The following PDZRN3 variants were observed in gnomAD, a reference collection of about 807,000 sequenced individuals.
PDZRN3 encodes the protein E3 ubiquitin-protein ligase PDZRN3.
PDZRN3 carries 38 observed loss-of-function variants against 85.7 expected under a neutral mutation model. That is an observed-to-expected ratio of 0.44 (90% confidence interval 0.34 to 0.58). The LOEUF (loss-of-function observed/expected upper bound fraction) is 0.58. Ranked by LOEUF, PDZRN3 falls within the 20% of genes least tolerant of loss-of-function variation. The pLI, the probability that PDZRN3 is intolerant of heterozygous loss-of-function variation, is 0.01. For missense variants in PDZRN3, 1,629 were observed against 1,506.4 expected (o/e 1.08, Z -1.35); for synonymous variants, 759 against 638.0 (o/e 1.19, Z -2.86).
intron 8 of PDZRN3, among the ~76,000 whole-genome samples, chr3:73,387,204 C>T (rs906651255): frequency 6.6e-6 from 1 of 152,240 alleles, no homozygotes; most frequent in South Asian, 2.1e-4. Context: ...TACCCAGTCT[C>T]GAGTATGTCT....
chr3:73,519,514 TGG>T (rs1346841350), intron 3 of PDZRN3, among the ~76,000 whole-genome samples: 5 of 152,220 alleles, frequency 3.3e-5, no homozygotes, highest in South Asian at 4.1e-4. Flanking sequence ...AATGTGTTTA[TGG>T]GCTTCATGGA....
intron 3 of PDZRN3, among the ~76,000 whole-genome samples, chr3:73,601,079 C>A (rs1386686104): frequency 6.6e-6 from 1 of 152,192 alleles, no homozygotes; most frequent in Admixed American, 6.5e-5. Flanking sequence ...GCCTTACACC[C>A]TAACTAGTTC....
At chr3:73,621,244 T>A (rs552204459) in intron 1 of PDZRN3, among the ~76,000 whole-genome samples, 11 of 152,298 alleles carry the variant, frequency 7.2e-5, no homozygotes, top group African/African-American at 2.4e-4. Flanking sequence ...TAACAAACCC[T>A]AAGCGTTCAG....
intron 3 of PDZRN3, among the ~76,000 whole-genome samples, chr3:73,586,025 G>A (rs919908596): frequency 2.6e-5 from 4 of 152,060 alleles, no homozygotes; most frequent in African/African-American, 9.7e-5. Flanking sequence ...ACAAATACTG[G>A]AATTCATAAA....
At chr3:73,469,962 T>C (rs1422665893) in intron 3 of PDZRN3, among the ~76,000 whole-genome samples, 1 of 152,192 alleles carries the variant, frequency 6.6e-6, no homozygotes, top group Non-Finnish European at 1.5e-5. Flanking sequence ...CGTTGTAGGA[T>C]GTCTAGCAGC....
At chr3:73,594,729 G>C (rs186874102) in intron 3 of PDZRN3, among the ~76,000 whole-genome samples, 1 of 152,208 alleles carries the variant, frequency 6.6e-6, no homozygotes, top group Admixed American at 6.5e-5. Context: ...GTCTTCTGTT[G>C]CTGTAGTAAA....
Position 73,383,088 on chromosome 3 carries a change from A to C in PDZRN3, c.*277T>G. On this transcript the variant is annotated 3_prime_UTR_variant, in exon 10 of 10. Transcript: ENST00000263666. ...TTAATAAAAGATCTTTCTGAAATTT[A>C]AACACTTTATGTAAAAGGGTACAGG... 3.1e-6 allele frequency: 1 copy of C among 323,014 alleles called. No homozygotes were observed. The highest frequency in any genetic ancestry group is 5.6e-6 in the Non-Finnish European group (1 of 177,214). The allele number at this position is 323,014 out of a possible 1,614,324, so 20.0% of individuals were successfully genotyped here. A position where few individuals can be genotyped will look rare whatever the true frequency, so the allele number is the denominator to read the frequency against.
chr3:73,534,617 T>C (rs1704733420), intron 3 of PDZRN3, among the ~76,000 whole-genome samples: 1 of 152,258 alleles, frequency 6.6e-6, no homozygotes. Context: ...TGGGTCAAGA[T>C]TTACAAGGAG....
chr3:73,403,114 T>C (rs1701787179), intron 4 of PDZRN3, among the ~76,000 whole-genome samples: 1 of 151,350 alleles, frequency 6.6e-6, no homozygotes, highest in Non-Finnish European at 1.5e-5. Context: ...TGGCTAATTG[T>C]TTTTTGTATT....
At chr3:73,593,030 T>C (rs750432811) in intron 3 of PDZRN3, among the ~76,000 whole-genome samples, 12 of 151,660 alleles carry the variant, frequency 7.9e-5, no homozygotes, top group Admixed American at 4.6e-4. Context: ...ACCTTCCAAA[T>C]TGAATAAAAA....
At chr3:73,411,979 C>A (rs994217285) in intron 3 of PDZRN3, among the ~76,000 whole-genome samples, 1 of 152,176 alleles carries the variant, frequency 6.6e-6, no homozygotes, top group Non-Finnish European at 1.5e-5. Context: ...GTTTCGCAGA[C>A]AAAAACGAGA....
At chr3:73,433,456 C>T (rs1282043351) in intron 3 of PDZRN3, among the ~76,000 whole-genome samples, 5 of 152,206 alleles carry the variant, frequency 3.3e-5, no homozygotes, top group African/African-American at 4.8e-5. Context: ...CAAAGTGCCA[C>T]TGGATGGAAA....
intron 3 of PDZRN3, among the ~76,000 whole-genome samples, chr3:73,582,760 G>A (rs575780032): frequency 3.2e-4 from 48 of 152,234 alleles, no homozygotes; most frequent in African/African-American, 9.6e-4. Context: ...GCGTCTCAGT[G>A]GTGTCACTTG....
intron 8 of PDZRN3, 79 bp downstream of exon 8, chr3:73,387,889 C>G (rs1701430998): frequency 1.5e-6 from 1 of 675,076 alleles, no homozygotes; most frequent in Non-Finnish European, 2.6e-6. Context: ...AGCCAATACT[C>G]AGGTGCTCTT....
At chr3:73,541,595 T>G (rs1212488105) in intron 3 of PDZRN3, among the ~76,000 whole-genome samples, 1 of 152,234 alleles carries the variant, frequency 6.6e-6, no homozygotes, top group East Asian at 1.9e-4. Flanking sequence ...TTGGCTGGGA[T>G]TCTGCTACTT....
rs190261354 is a variant in PDZRN3, at chr3:73,599,628, C to T, written c.918+2726G>A. On this transcript the variant is annotated intron_variant, in intron 3 of 9. Transcript: ENST00000263666. Reference sequence around the variant, plus strand: ...ATGTCTTGCCATATATACATATACACACACGGACATTTCAAGAAATGCAAC... The same window carrying T: ...ATGTCTTGCCATATATACATATACATACACGGACATTTCAAGAAATGCAAC... 5.3e-5 allele frequency among the ~76,000 whole-genome samples: 8 copies of T among 152,346 alleles called. No individual in the cohort carries two copies. The East Asian group carries it at 1.3e-3, about 26-fold the overall frequency.
chr3:73,496,580 A>AC (rs397711971), intron 3 of PDZRN3, among the ~76,000 whole-genome samples: 1 of 151,726 alleles, frequency 6.6e-6, no homozygotes, highest in Non-Finnish European at 1.5e-5. Flanking sequence ...TTAAAAAAAA[A>AC]CAAAATTATA....
At chr3:73,514,464 A>AG (rs1704222254) in intron 3 of PDZRN3, among the ~76,000 whole-genome samples, 2 of 152,220 alleles carry the variant, frequency 1.3e-5, no homozygotes, top group African/African-American at 4.8e-5. Flanking sequence ...AGTGATACTT[A>AG]GGGTTTACTC....
chr3:73,470,731 T>G (rs921504741), intron 3 of PDZRN3, among the ~76,000 whole-genome samples: 1 of 152,176 alleles, frequency 6.6e-6, no homozygotes, highest in Non-Finnish European at 1.5e-5. Flanking sequence ...CTGAAGCCAC[T>G]TGAAATGGTT....
Sources: gnomAD v4.1 joint callset for allele counts (sites outside exome capture counted in the v4.1 genomes callset) on GRCh38, gnomAD v4.1.1 for gene constraint, MANE v1.5 for transcripts, NCBI Gene and HGNC (gene_info 2026-07-23, HGNC 2026-07-21) for gene names.